Variants in OPN5 observed in about 807,000 individuals in gnomAD.
OPN5 encodes opsin-5.
In OPN5, 18 loss-of-function variants were observed where a neutral mutation model predicts 41.7. That is an observed-to-expected ratio of 0.43 (90% CI 0.30 to 0.64). OPN5 has a LOEUF of 0.64. Among genes scored for constraint, OPN5 ranks in the 30% least tolerant of loss-of-function variants. The probability of loss-of-function intolerance (pLI) is 0.13; values close to 1 mark genes in which losing one functional copy is unlikely to be tolerated. For missense variants in OPN5, 318 were observed against 434.5 expected (o/e 0.73, Z 2.38); for synonymous variants, 178 against 164.3 (o/e 1.08, Z -0.64).
chr6:47,787,182 G>A lies in OPN5; in HGVS notation c.250+548G>A, dbSNP rs945855249. The A allele has an allele frequency of 9.2e-6, 9 of 983,168 alleles. No individual in the cohort carries two copies. The African/African-American group carries it at 1.6e-4, about 17-fold the overall frequency. 60.9% of individuals were successfully genotyped at this position (983,168 alleles called of 1,614,324 possible). ...AGCATAGGAAGCTTCTGGTTCAGTG[G>A]TCCTCAAATGCAACTCACAAAATAT... On this transcript the variant is annotated intron_variant, in intron 2 of 6. Transcript: ENST00000371211.
downstream of OPN5, chr6:47,825,280 C>A (rs1251740884): frequency 6.6e-6 from 1 of 152,070 alleles, no homozygotes; most frequent in African/African-American, 2.4e-5. Context: ...ATGCAAGTAC[C>A]TTTAATTGGG....
intron 6 of OPN5, among the ~76,000 whole-genome samples, chr6:47,819,376 A>T (rs1762532726): frequency 1.8e-5 from 1 of 55,696 alleles, no homozygotes; most frequent in African/African-American, 5.4e-5. Flanking sequence ...CCGTATAAGT[A>T]GAAATATATA....
chr6:47,801,659 A>G (rs767829458), intron 4 of OPN5, among the ~76,000 whole-genome samples: 14 of 152,182 alleles, frequency 9.2e-5, no homozygotes, highest in South Asian at 4.1e-4. Context: ...CTCCTATTAC[A>G]ATGTTTCATT....
chr6:47,823,221 A>T (rs1264689730), intron 6 of OPN5, among the ~76,000 whole-genome samples: 3 of 152,224 alleles, frequency 2.0e-5, no homozygotes, highest in Non-Finnish European at 4.4e-5. Context: ...GGTTGGAGAG[A>T]TAGTTTGGCT....
downstream of OPN5, chr6:47,826,070 AAT>A (rs1762781459): frequency 6.6e-6 from 1 of 152,106 alleles, no homozygotes. Context: ...TGGTTTGTTT[AAT>A]ATCTTTTAAA....
At chr6:47,823,037 C>T (rs530653756) in intron 6 of OPN5, among the ~76,000 whole-genome samples, 1 of 152,256 alleles carries the variant, frequency 6.6e-6, no homozygotes, top group South Asian at 2.1e-4. Context: ...CTCAGCAAAG[C>T]CCCAAGCCAC....
At chr6:47,796,492 C>T (rs145218898) in intron 4 of OPN5, among the ~76,000 whole-genome samples, 2 of 152,056 alleles carry the variant, frequency 1.3e-5, no homozygotes, top group Non-Finnish European at 2.9e-5. Flanking sequence ...ACAGGTAATA[C>T]CATCAAGCTT....
Position 47,819,179 on chromosome 6 carries a change from G to A in OPN5, c.1057-4804G>A, listed in dbSNP as rs911264833. ...TTAGCTCCTGGAGCAAATATCAGAA[G>A]TGGTTAAGTAACTGTACTTGTAATT... is the stretch of plus-strand genomic sequence containing the variant. On this transcript the variant is annotated intron_variant, in intron 6 of 6. Transcript: ENST00000371211. Among the ~76,000 whole-genome samples the A allele has an allele frequency of 1.1e-4, 16 of 151,302 alleles. No individual in the cohort carries two copies. In the East Asian group the frequency reaches 1.2e-3, roughly 11 times the overall value.
At chr6:47,795,761 T>TTCTCTC (rs112984403) in intron 4 of OPN5, among the ~76,000 whole-genome samples, 198 bp downstream of exon 4, 2,085 of 136,748 alleles carry the variant, frequency 0.015, 48 homozygotes, top group African/African-American at 0.05. Flanking sequence ...CACTTCTCTC[T>TTCTCTC]TCTCTCTCTC....
chr6:47,806,308 G>T (rs1357903192), intron 4 of OPN5, among the ~76,000 whole-genome samples: 1 of 152,042 alleles, frequency 6.6e-6, no homozygotes, highest in Admixed American at 6.6e-5. Flanking sequence ...GTTAGTGTAC[G>T]CTTTCTCAAT....
At chr6:47,816,579 T>G (rs773722543) in intron 6 of OPN5, among the ~76,000 whole-genome samples, 1 of 152,146 alleles carries the variant, frequency 6.6e-6, no homozygotes, top group South Asian at 2.1e-4. Flanking sequence ...TGGGGCAGTG[T>G]GGATTACAAC....
chr6:47,825,189 T>G (rs1762756383), downstream of OPN5: 1 of 152,180 alleles, frequency 6.6e-6, no homozygotes, highest in African/African-American at 2.4e-5. Context: ...ATCTGTGAAC[T>G]TTCTAAAGAT....
intron 5 of OPN5, among the ~76,000 whole-genome samples, chr6:47,811,081 A>C: frequency 6.6e-6 from 1 of 152,212 alleles, no homozygotes; most frequent in Admixed American, 6.5e-5. Flanking sequence ...CTTTGCCTAC[A>C]CAGAGACCAG....
chr6:47,786,922 G>A, intron 2 of OPN5: 1 of 360,926 alleles, frequency 2.8e-6, no homozygotes, highest in Non-Finnish European at 4.3e-6. Context: ...AAAGTGTAGT[G>A]GGCTAAATGA....
chr6:47,786,747 C>T lies in OPN5; in HGVS notation c.250+113C>T, dbSNP rs1773205317. ...TCTCTTCCCTTCACATCTCCTTCCA[C>T]TCTTCGCTTCACAAATCAACTTTCA... On this transcript the variant is annotated intron_variant, in intron 2 of 6. Transcript: ENST00000371211. 7.9e-6 allele frequency: 7 copies of T among 891,360 alleles called. No homozygotes were observed. The South Asian group carries it at 1.1e-4, about 15-fold the overall frequency. The allele number at this position is 891,360 out of a possible 1,614,324, so 55.2% of individuals were successfully genotyped here. A position where few individuals can be genotyped will look rare whatever the true frequency, so the allele number is the denominator to read the frequency against.
intron 6 of OPN5, among the ~76,000 whole-genome samples, chr6:47,815,268 T>C (rs576437806): frequency 1.6e-4 from 24 of 152,244 alleles, no homozygotes; most frequent in African/African-American, 5.8e-4. Flanking sequence ...ACTGAAATGG[T>C]AACTACAAAA....
At chr6:47,796,380 A>AT (rs1414468309) in intron 4 of OPN5, among the ~76,000 whole-genome samples, 2 of 152,168 alleles carry the variant, frequency 1.3e-5, no homozygotes, top group Non-Finnish European at 2.9e-5. Context: ...CCTGTTAGGA[A>AT]TTACTGGTAA....
chr6:47,814,070 A>T (rs1270172028), intron 6 of OPN5, among the ~76,000 whole-genome samples: 1 of 152,162 alleles, frequency 6.6e-6, no homozygotes, highest in East Asian at 1.9e-4. Flanking sequence ...ATAGTTATAG[A>T]TTATTGAGTT....
chr6:47,818,441 GC>G (rs1319292793), intron 6 of OPN5, among the ~76,000 whole-genome samples: 1 of 152,296 alleles, frequency 6.6e-6, no homozygotes, highest in Admixed American at 6.5e-5. Flanking sequence ...GGAGAATCAG[GC>G]ACTCTTCTCT....
Sources: gnomAD v4.1 joint callset for allele counts (sites outside exome capture counted in the v4.1 genomes callset) on GRCh38, gnomAD v4.1.1 for gene constraint, MANE v1.5 for transcripts, NCBI Gene and HGNC (gene_info 2026-07-23, HGNC 2026-07-21) for gene names.